The following MSANTD5 variants were observed in gnomAD, a reference collection of about 807,000 sequenced individuals.
MSANTD5 encodes the protein uncharacterized protein MSANTD5.
downstream of MSANTD5, among the ~76,000 whole-genome samples, chr5:178,691,662 C>G (rs1765358773): frequency 7.4e-6 from 1 of 135,568 alleles, no homozygotes; most frequent in South Asian, 2.3e-4. Context: ...AAACGAATAT[C>G]TAGAATATAT....
At position 178,696,969 on chromosome 5, in the gene MSANTD5, C is replaced by A. The variant is rs565287250; in HGVS notation, c.6+617G>T. Among the ~76,000 whole-genome samples, 102 of 152,254 alleles carry A rather than the reference C, an allele frequency of 6.7e-4. 2 individuals carry two copies. In the South Asian group the frequency reaches 0.021, roughly 31 times the overall value. ...TCTGGGCGGTGAAGAATCTGAGTCT[C>A]CGCAGCTGGAGTAAAAAGTCTGCCT... On this transcript the variant is annotated intron_variant, in intron 1 of 3. Transcript: ENST00000648368.
chr5:178,702,669 C>T (rs1464336269), upstream of MSANTD5, among the ~76,000 whole-genome samples: 1 of 152,034 alleles, frequency 6.6e-6, no homozygotes, highest in Non-Finnish European at 1.5e-5. Flanking sequence ...ACCATCTCAG[C>T]TCACTGCAAC....
At chr5:178,696,546 A>G (rs1338479459) in intron 1 of MSANTD5, among the ~76,000 whole-genome samples, 3 of 151,988 alleles carry the variant, frequency 2.0e-5, no homozygotes, top group African/African-American at 7.2e-5. Flanking sequence ...TTAAAAAGTA[A>G]ACTGCCAGAT....
At chr5:178,691,803 A>G (rs1765359870), downstream of MSANTD5, among the ~76,000 whole-genome samples, 1 of 136,934 alleles carries the variant, frequency 7.3e-6, no homozygotes, top group Non-Finnish European at 1.7e-5. Flanking sequence ...CCGTATCATC[A>G]GCCGCCAGGG....
the MSANTD5 span, among the ~76,000 whole-genome samples, chr5:178,705,273 C>G: frequency 6.6e-6 from 1 of 152,134 alleles, no homozygotes; most frequent in South Asian, 2.1e-4. Flanking sequence ...GTCTCGATCT[C>G]CTGACCTCGT....
At chr5:178,693,048 G>A (rs1184864000), downstream of MSANTD5, among the ~76,000 whole-genome samples, 2 of 151,930 alleles carry the variant, frequency 1.3e-5, no homozygotes, top group East Asian at 1.9e-4. Flanking sequence ...CGTAGCTCAC[G>A]TCGGTAATCC....
the MSANTD5 span, among the ~76,000 whole-genome samples, chr5:178,707,448 G>A: frequency 7.9e-4 from 119 of 151,178 alleles, no homozygotes; most frequent in African/African-American, 2.8e-3. Flanking sequence ...GCGGGGCGCG[G>A]TGGCTCACTC....
At chr5:178,696,997 T>G (rs990118036) in intron 1 of MSANTD5, among the ~76,000 whole-genome samples, 5 of 152,076 alleles carry the variant, frequency 3.3e-5, no homozygotes, top group Non-Finnish European at 7.4e-5. Context: ...GTCTGCCTAG[T>G]CCAAGGGGCT....
intron 1 of MSANTD5, 29 bp downstream of exon 1, chr5:178,697,557 A>T (rs973682128): frequency 5.3e-5 from 8 of 152,228 alleles, no homozygotes; most frequent in Admixed American, 3.9e-4. Context: ...TCCTCCCACG[A>T]AACAGCAAGC....
chr5:178,692,396 A>T (rs960245670), downstream of MSANTD5, among the ~76,000 whole-genome samples: 19 of 151,620 alleles, frequency 1.3e-4, no homozygotes, highest in Non-Finnish European at 2.8e-4. Flanking sequence ...AAAAAAAAAA[A>T]ATTAAACATG....
upstream of MSANTD5, among the ~76,000 whole-genome samples, chr5:178,702,203 A>G (rs1765493903): frequency 6.6e-6 from 1 of 151,998 alleles, no homozygotes; most frequent in South Asian, 2.1e-4. Context: ...CTAGTGACAA[A>G]GGGAAATCGA....
the MSANTD5 span, among the ~76,000 whole-genome samples, chr5:178,703,159 G>C: frequency 1.3e-5 from 2 of 152,218 alleles, no homozygotes; most frequent in Admixed American, 6.5e-5. Flanking sequence ...AGGTCCTCAG[G>C]GCTGCTGCTT....
chr5:178,704,882 G>A, the MSANTD5 span, among the ~76,000 whole-genome samples: 5 of 152,286 alleles, frequency 3.3e-5, no homozygotes, highest in Non-Finnish European at 5.9e-5. Context: ...AGGCACAGGG[G>A]ATGAGACTGG....
upstream of MSANTD5, among the ~76,000 whole-genome samples, chr5:178,701,976 A>T (rs1194813447): frequency 1.3e-5 from 2 of 150,076 alleles, no homozygotes; most frequent in Non-Finnish European, 3.0e-5. Flanking sequence ...CAGGTGATCC[A>T]CCCGCCTCGG....
At chr5:178,702,917 T>C in the MSANTD5 span, among the ~76,000 whole-genome samples, 2 of 152,072 alleles carry the variant, frequency 1.3e-5, no homozygotes, top group East Asian at 1.9e-4. Flanking sequence ...TTCCCCTAAA[T>C]GGTGTGAAGA....
At chr5:178,702,865 G>A in the MSANTD5 span, among the ~76,000 whole-genome samples, 1 of 152,182 alleles carries the variant, frequency 6.6e-6, no homozygotes, top group African/African-American at 2.4e-5. Flanking sequence ...CCAAAGTGCT[G>A]GGATTACAGA....
At chr5:178,701,210 C>T (rs2113857344), upstream of MSANTD5, among the ~76,000 whole-genome samples, 1 of 152,228 alleles carries the variant, frequency 6.6e-6, no homozygotes, top group East Asian at 1.9e-4. Context: ...AACTCTTGAC[C>T]TCGTGATCTG....
At chr5:178,705,412 A>G in the MSANTD5 span, among the ~76,000 whole-genome samples, 1 of 152,088 alleles carries the variant, frequency 6.6e-6, no homozygotes, top group South Asian at 2.1e-4. Flanking sequence ...CTGTGAGCTC[A>G]GGCACATCCT....
chr5:178,694,727 C>A, exon 4 of MSANTD5: 1 of 152,232 alleles, frequency 6.6e-6, no homozygotes. Flanking sequence ...TAGAGATGGC[C>A]CACTGTGTCA....
Sources: gnomAD v4.1 joint callset for allele counts (sites outside exome capture counted in the v4.1 genomes callset) on GRCh38, gnomAD v4.1.1 for gene constraint, MANE v1.5 for transcripts, NCBI Gene and HGNC (gene_info 2026-07-23, HGNC 2026-07-21) for gene names.